Variants in PUS7L observed in about 807,000 individuals in gnomAD.
The protein encoded by PUS7L is pseudouridylate synthase PUS7L.
Under a neutral mutation model 51.1 loss-of-function variants are expected in PUS7L, and 49 were observed. The ratio of observed to expected loss-of-function variants is 0.96; its 90% confidence interval spans 0.76 to 1.22. The LOEUF is 1.22. Among genes scored for constraint, PUS7L ranks in the 50% most tolerant of loss-of-function variants. The probability of loss-of-function intolerance (pLI) is 0.00; values close to 1 mark genes in which losing one functional copy is unlikely to be tolerated. For missense variants in PUS7L, 828 were observed against 820.6 expected (o/e 1.01, Z -0.11); for synonymous variants, 277 against 276.2 (o/e 1.00, Z -0.03).
intron 4 of PUS7L, 54 bp from the exon 5 acceptor site, chr12:43,742,609 C>G (rs1204376830): frequency 2.0e-6 from 3 of 1,479,132 alleles, no homozygotes; most frequent in Non-Finnish European, 9.1e-7. Context: ...AATTATGTGT[C>G]AAAATACACA....
chr12:43,754,335 C>T lies in PUS7L; in HGVS notation c.910+1G>A. On this transcript the variant is annotated splice_donor_variant, in intron 2 of 8. Transcript: ENST00000344862. LOFTEE classifies it high-confidence loss of function. ...AAATGGATGATGATTTATTAAATTA[C>T]CTGTATATATAACTTTTCCTTCTTG... is the stretch of plus-strand genomic sequence containing the variant. 6.5e-7 allele frequency: 1 copy of T among 1,542,768 alleles called. No individual in the cohort carries two copies. Among genetic ancestry groups the T allele is most frequent in the South Asian group, 1.2e-5 (1 of 83,230 alleles).
At chr12:43,737,221 C>T (rs1937652449) in intron 6 of PUS7L, among the ~76,000 whole-genome samples, 2 of 152,060 alleles carry the variant, frequency 1.3e-5, no homozygotes, top group Admixed American at 1.3e-4. Flanking sequence ...AATAGATGTA[C>T]CAGGTGTTTC....
At chr12:43,752,963 A>G (rs1938527240) in intron 2 of PUS7L, among the ~76,000 whole-genome samples, 1 of 152,212 alleles carries the variant, frequency 6.6e-6, no homozygotes, top group Non-Finnish European at 1.5e-5. Context: ...TATGCCTCCA[A>G]CTATTCACAA....
At chr12:43,731,178 A>G (rs1476691812) in intron 8 of PUS7L, among the ~76,000 whole-genome samples, 1 of 152,176 alleles carries the variant, frequency 6.6e-6, no homozygotes, top group Non-Finnish European at 1.5e-5. Context: ...GTGAGTAAAC[A>G]CTGCATTTTG....
rs776479002 is a variant in PUS7L at position 43,738,308 on chromosome 12, A to G, written c.1444+2T>C. On this transcript the variant is annotated splice_donor_variant, in intron 6 of 8. Transcript: ENST00000344862. LOFTEE classifies it high-confidence loss of function. Reference sequence around the variant, plus strand: ...ATGTACAGGATAAAGAAACGTAAATACCAGTTTGAAGAAAATACTTCTTTG... The same window carrying G: ...ATGTACAGGATAAAGAAACGTAAATGCCAGTTTGAAGAAAATACTTCTTTG... 2.7e-6 allele frequency: 4 copies of G among 1,488,038 alleles called. No homozygotes were observed. Among genetic ancestry groups the G allele is most frequent in the Non-Finnish European group, 3.8e-6 (4 of 1,065,620 alleles). The allele number at this position is 1,488,038 out of a possible 1,614,324, so 92.2% of individuals were successfully genotyped here.
At chr12:43,731,317 C>T (rs1944548615) in intron 8 of PUS7L, among the ~76,000 whole-genome samples, 1 of 152,078 alleles carries the variant, frequency 6.6e-6, no homozygotes, top group South Asian at 2.1e-4. Context: ...ATTCACTATG[C>T]TAAGTGAAAG....
rs375930483 is a variant in PUS7L at position 43,758,461 on chromosome 12, C to A, written c.-17+269G>T. ...ACTAGAAATACTGAACCCAGTCCTG[C>A]AGAAGCTACTTAACTTCACAGAAAA... On this transcript the variant is annotated intron_variant, in intron 1 of 8. Transcript: ENST00000344862. 36 of 985,444 alleles carry A rather than the reference C, an allele frequency of 3.7e-5. 1 individual carries two copies. In the Admixed American group the frequency reaches 6.8e-4, roughly 19 times the overall value. 61.0% of individuals were successfully genotyped at this position (985,444 alleles called of 1,614,324 possible).
intron 5 of PUS7L, 108 bp downstream of exon 5, chr12:43,742,349 G>A: frequency 4.2e-6 from 3 of 714,404 alleles, no homozygotes; most frequent in Non-Finnish European, 7.2e-6. Context: ...TTTGGTATGT[G>A]AGTGTTTACA....
chr12:43,758,476 T>G (rs532512469), intron 1 of PUS7L: 2 of 985,446 alleles, frequency 2.0e-6, no homozygotes, highest in African/African-American at 3.5e-5. Context: ...GCTACTTAAC[T>G]TCACAGAAAA....
chr12:43,737,555 T>C (rs898679576), intron 6 of PUS7L, among the ~76,000 whole-genome samples: 2 of 151,072 alleles, frequency 1.3e-5, no homozygotes, highest in Non-Finnish European at 3.0e-5. Context: ...TTGCTGTTTT[T>C]ATTATTTAAA....
intron 2 of PUS7L, among the ~76,000 whole-genome samples, 198 bp from the exon 3 acceptor site, chr12:43,748,807 T>C (rs1938302102): frequency 6.6e-6 from 1 of 152,128 alleles, no homozygotes; most frequent in Admixed American, 6.6e-5. Context: ...CACTGCAACC[T>C]CTGCCTCCCG....
intron 2 of PUS7L, among the ~76,000 whole-genome samples, chr12:43,749,665 G>C (rs139329416): frequency 0.014 from 2,079 of 152,098 alleles, 44 homozygotes; most frequent in African/African-American, 0.047. Flanking sequence ...GCGAGACCCT[G>C]TCTCAAAGAA....
In PUS7L at chr12:43,730,417, C is replaced by T; in HGVS notation, c.2065G>A (p.Ala689Thr). ...ISFDLDASCY[A>T]TVCLKEIMKH... is the part of the protein sequence containing the mutation. Reference sequence around the variant, plus strand: ...ATTATTTCCTTCAGACAAACGGTAGCATAGCATGAAGCATCAAGATCAAAA... The same window carrying T: ...ATTATTTCCTTCAGACAAACGGTAGTATAGCATGAAGCATCAAGATCAAAA... The change falls in exon 9 of 9, where the codon GCT (alanine) becomes ACT (threonine). Residue 689 changes from alanine to threonine, a missense_variant. Coordinates refer to ENST00000344862, the MANE Select transcript of PUS7L (RefSeq NM_031292.5). 1 of 1,613,716 alleles carries T rather than the reference C, an allele frequency of 6.2e-7. No individual in the cohort carries two copies. Among genetic ancestry groups the T allele is most frequent in the Non-Finnish European group, 8.5e-7 (1 of 1,179,774 alleles).
chr12:43,732,522 G>A (rs1944582072), intron 7 of PUS7L, among the ~76,000 whole-genome samples: 5 of 152,072 alleles, frequency 3.3e-5, no homozygotes, highest in Admixed American at 3.3e-4. Flanking sequence ...GGTAACAGGT[G>A]TCACATACAA....
Position 43,730,146 on chromosome 12 carries a change from T to C in PUS7L, c.*230A>G. The C allele has an allele frequency of 2.0e-6, 1 of 497,266 alleles. No individual in the cohort carries two copies. The highest frequency in any genetic ancestry group is 3.6e-6 in the Non-Finnish European group (1 of 279,206). The allele number at this position is 497,266 out of a possible 1,614,324, so 30.8% of individuals were successfully genotyped here. Reference sequence around the variant, plus strand: ...ACAGAATAAAGGTCACTGAAACATATAATAGAAAAAAAACACAGGCTTTGG... The same window carrying C: ...ACAGAATAAAGGTCACTGAAACATACAATAGAAAAAAAACACAGGCTTTGG... On this transcript the variant is annotated 3_prime_UTR_variant, in exon 9 of 9. Transcript: ENST00000344862.
In PUS7L at chr12:43,748,530, C is replaced by T. The variant is rs765200682; in HGVS notation, c.990G>A (p.Ser330=). 9.9e-6 allele frequency: 16 copies of T among 1,611,324 alleles called. No individual in the cohort carries two copies. The East Asian group carries it at 1.6e-4, about 16-fold the overall frequency. The change falls in exon 3 of 9, where the codon TCG becomes TCA. Residue 330 remains serine (S), a synonymous_variant. Transcript: ENST00000344862. ...CTTTAAGGCCTGCATAACTAAAATC[C>T]GAAGGAATAACACCAAGTTTGATAG... is the stretch of plus-strand genomic sequence containing the variant. The part of the protein sequence containing the change: ...FLAIKLGVIP[S]DFSYAGLKDK...
Position 43,730,370 on chromosome 12 carries a change from T to A in PUS7L, c.*6A>T, listed in dbSNP as rs756724695. 3 of 1,608,070 alleles carry A rather than the reference T, an allele frequency of 1.9e-6. No homozygotes were observed. The South Asian group carries it at 3.3e-5, about 18-fold the overall frequency. The stretch of plus-strand genomic sequence containing the variant: ...CATATATATGGTTATACCAAGGGTA[T>A]CAGTTTTAAACGTCATGCTTCATTA... On this transcript the variant is annotated 3_prime_UTR_variant, in exon 9 of 9. Transcript: ENST00000344862.
chr12:43,741,720 T>C (rs1163741196), intron 5 of PUS7L, among the ~76,000 whole-genome samples: 1 of 152,186 alleles, frequency 6.6e-6, no homozygotes, highest in Non-Finnish European at 1.5e-5. Context: ...GTGGTCTAAA[T>C]CATCAGCTCT....
intron 3 of PUS7L, among the ~76,000 whole-genome samples, chr12:43,747,117 C>T (rs778493029): frequency 2.2e-4 from 33 of 151,978 alleles, no homozygotes; most frequent in Non-Finnish European, 4.7e-4. Flanking sequence ...ATTAATATAT[C>T]GATATTACGT....
Sources: gnomAD v4.1 joint callset for allele counts (sites outside exome capture counted in the v4.1 genomes callset) on GRCh38, gnomAD v4.1.1 for gene constraint, MANE v1.5 for transcripts, NCBI Gene and HGNC (gene_info 2026-07-23, HGNC 2026-07-21) for gene names.